ARHGAP15: variants seen among roughly 807,000 people sequenced by gnomAD.
ARHGAP15 encodes the protein rho GTPase-activating protein 15.
A neutral mutation model predicts 63.7 loss-of-function variants in ARHGAP15; 51 were observed. The observed-to-expected ratio is 0.80, with a 90% CI of 0.64 to 1.01. The LOEUF (loss-of-function observed/expected upper bound fraction) is 1.01, where lower values mean the gene tolerates loss of function less well. ARHGAP15 is among the 50% of genes least tolerant of loss of function. The pLI is 0.00. For missense variants in ARHGAP15, 560 were observed against 564.6 expected (o/e 0.99, Z 0.08); for synonymous variants, 191 against 193.8 (o/e 0.99, Z 0.12).
At position 143,622,224 on chromosome 2, in the gene ARHGAP15, A is replaced by C. The variant is rs1027934635; in HGVS notation, c.1004-1909A>C. On this transcript the variant is annotated intron_variant, in intron 11 of 13. Transcript: ENST00000295095. ...AGCAAAGTGCTTAAAAGATAAAGTA[A>C]GAATTGGTACCATGGGAAGAACACC... Among the ~76,000 whole-genome samples, 3 of 152,198 alleles carry C rather than the reference A, an allele frequency of 2.0e-5. No individual in the cohort carries two copies. The East Asian group carries it at 5.8e-4, about 29-fold the overall frequency.
chr2:143,572,018 C>T (rs373383953), intron 11 of ARHGAP15: 2 of 152,202 alleles, frequency 1.3e-5, no homozygotes, highest in East Asian at 3.8e-4. Context: ...CACTGTGTTC[C>T]CATAGCATGT....
At chr2:143,609,626 C>T (rs1015695769) in intron 11 of ARHGAP15, among the ~76,000 whole-genome samples, 16 of 152,072 alleles carry the variant, frequency 1.1e-4, no homozygotes, top group Admixed American at 1.0e-3. Context: ...TAGGCATTTG[C>T]ACTTCTAGAT....
intron 10 of ARHGAP15, among the ~76,000 whole-genome samples, chr2:143,554,616 C>G (rs1049404965): frequency 1.3e-5 from 2 of 151,938 alleles, no homozygotes; most frequent in Admixed American, 6.6e-5. Context: ...AAGTACCAAA[C>G]AGCATCTAAT....
intron 6 of ARHGAP15, among the ~76,000 whole-genome samples, chr2:143,376,496 A>G (rs1574356101): frequency 6.6e-6 from 1 of 152,266 alleles, no homozygotes; most frequent in South Asian, 2.1e-4. Flanking sequence ...CCAGAAGGAA[A>G]GCTTTGTATA....
At chr2:143,223,671 A>G (rs1381856022) in intron 4 of ARHGAP15, among the ~76,000 whole-genome samples, 3 of 152,096 alleles carry the variant, frequency 2.0e-5, no homozygotes, top group Non-Finnish European at 4.4e-5. Context: ...CTCCAAAGAG[A>G]AAGAGATTCT....
chr2:143,637,035 CCCTCTTTCTGTAAGGGCACTA>C (rs1273514401), intron 12 of ARHGAP15, among the ~76,000 whole-genome samples: 2 of 151,990 alleles, frequency 1.3e-5, no homozygotes, highest in African/African-American at 4.8e-5. Context: ...TCTGATCTTT[CCCTCTTTCTGTAAGGGCACTA>C]ATCCTACCAG....
At chr2:143,587,777 A>G (rs1574669056) in intron 11 of ARHGAP15, 1 of 469,688 alleles carries the variant, frequency 2.1e-6, no homozygotes, top group Non-Finnish European at 4.4e-6. Flanking sequence ...TGGTCATTTG[A>G]CCTCCAGAGC....
At chr2:143,762,583 T>C (rs1001673048) in intron 13 of ARHGAP15, among the ~76,000 whole-genome samples, 2 of 152,174 alleles carry the variant, frequency 1.3e-5, no homozygotes, top group African/African-American at 4.8e-5. Context: ...TGGTAGGTCC[T>C]TAGCAAAACA....
intron 12 of ARHGAP15, among the ~76,000 whole-genome samples, chr2:143,636,523 G>C (rs985019903): frequency 1.4e-4 from 22 of 152,096 alleles, no homozygotes; most frequent in African/African-American, 4.8e-4. Context: ...TGCGAGCTGG[G>C]CCCCCTCCGT....
chr2:143,435,822 CT>C, intron 7 of ARHGAP15, 123 bp downstream of exon 7: 1 of 997,242 alleles, frequency 1.0e-6, no homozygotes, highest in Non-Finnish European at 1.4e-6. Flanking sequence ...GGATTAAGTT[CT>C]TTTAGTTTAA....
intron 5 of ARHGAP15, chr2:143,236,034 T>C: frequency 3.3e-6 from 5 of 1,525,604 alleles, no homozygotes; most frequent in Non-Finnish European, 4.4e-6. Context: ...ACCCATTTGA[T>C]GGATTGCATC....
intron 6 of ARHGAP15, among the ~76,000 whole-genome samples, chr2:143,323,458 C>A (rs1313536487): frequency 6.6e-6 from 1 of 152,158 alleles, no homozygotes; most frequent in Non-Finnish European, 1.5e-5. Context: ...TGATGATCAC[C>A]TTTACTTAGC....
At chr2:143,167,948 G>A (rs354694) in intron 2 of ARHGAP15, among the ~76,000 whole-genome samples, 105,280 of 151,996 alleles carry the variant, frequency 0.69, 37,369 homozygotes, top group East Asian at 0.92. Context: ...CTGTTCTATT[G>A]ACTGGCTGTT....
At chr2:143,312,776 A>G (rs1683509566) in intron 6 of ARHGAP15, among the ~76,000 whole-genome samples, 1 of 152,194 alleles carries the variant, frequency 6.6e-6, no homozygotes, top group Non-Finnish European at 1.5e-5. Context: ...GCTAATTATT[A>G]CATGAGAAAT....
intron 11 of ARHGAP15, among the ~76,000 whole-genome samples, chr2:143,613,059 C>T (rs192488333): frequency 1.3e-5 from 2 of 152,114 alleles, no homozygotes; most frequent in Non-Finnish European, 1.5e-5. Flanking sequence ...TGTTGTGAAT[C>T]CCCAGAAACA....
At chr2:143,212,476 G>A (rs1464888601) in intron 3 of ARHGAP15, among the ~76,000 whole-genome samples, 2 of 152,160 alleles carry the variant, frequency 1.3e-5, no homozygotes, top group African/African-American at 4.8e-5. Flanking sequence ...TCTAAAGATT[G>A]GTTGACATTT....
intron 6 of ARHGAP15, among the ~76,000 whole-genome samples, chr2:143,321,941 T>A (rs528754631): frequency 7.9e-5 from 12 of 152,338 alleles, no homozygotes; most frequent in Non-Finnish European, 1.5e-4. Flanking sequence ...GCCACAATTA[T>A]CTTCCTAATG....
chr2:143,344,250 ATTCT>A (rs1685176659), intron 6 of ARHGAP15: 7 of 152,012 alleles, frequency 4.6e-5, no homozygotes, highest in Admixed American at 4.6e-4. Flanking sequence ...GCAATTTGGT[ATTCT>A]TTCTTTCAAA....
At chr2:143,740,064 G>C (rs1196756786) in intron 13 of ARHGAP15, among the ~76,000 whole-genome samples, 1 of 151,868 alleles carries the variant, frequency 6.6e-6, no homozygotes, top group Non-Finnish European at 1.5e-5. Flanking sequence ...AGCTGTGTTT[G>C]AGAGATTATG....
Sources: allele counts gnomAD v4.1 joint callset (sites outside exome capture counted in the v4.1 genomes callset), GRCh38; gene constraint gnomAD v4.1.1; transcripts MANE v1.5; gene names NCBI Gene and HGNC (gene_info 2026-07-23, HGNC 2026-07-21).